PPP2R2B: variants seen among roughly 807,000 people sequenced by gnomAD.
PPP2R2B encodes protein phosphatase 2 regulatory subunit Bbeta, also known as serine/threonine-protein phosphatase 2A 55 kDa regulatory subunit B beta isoform.
Under a neutral mutation model 46.0 loss-of-function variants are expected in PPP2R2B, and 5 were observed. The ratio of observed to expected loss-of-function variants is 0.11; its 90% confidence interval spans 0.06 to 0.23. The LOEUF (loss-of-function observed/expected upper bound fraction) is 0.23. Among genes scored for constraint, PPP2R2B ranks in the 10% least tolerant of loss-of-function variants. The pLI, the probability that PPP2R2B is intolerant of heterozygous loss-of-function variation, is 1.00. For synonymous variants in PPP2R2B, 215 were observed against 206.7 expected (o/e 1.04, Z -0.34); for missense variants, 367 against 575.0 (o/e 0.64, Z 3.70).
At chr5:146,633,788 G>A (rs1774603035) in intron 7 of PPP2R2B, among the ~76,000 whole-genome samples, 1 of 152,146 alleles carries the variant, frequency 6.6e-6, no homozygotes, top group Non-Finnish European at 1.5e-5. Flanking sequence ...CTGGGTGTGT[G>A]GCTTGACCGG....
intron 5 of PPP2R2B, among the ~76,000 whole-genome samples, chr5:146,672,953 G>T (rs541931293): frequency 6.6e-6 from 1 of 152,176 alleles, no homozygotes. Flanking sequence ...ATATAGGGAG[G>T]CATTTTTATT....
chr5:146,669,145 T>G (rs999115237), intron 5 of PPP2R2B, among the ~76,000 whole-genome samples: 14 of 149,960 alleles, frequency 9.3e-5, no homozygotes, highest in Non-Finnish European at 1.3e-4. Context: ...CTTCCACCTA[T>G]TTTACATTCT....
intron 7 of PPP2R2B, among the ~76,000 whole-genome samples, chr5:146,604,011 G>C (rs1186376295): frequency 6.6e-6 from 1 of 152,266 alleles, no homozygotes; most frequent in South Asian, 2.1e-4. Flanking sequence ...ATATTAGCTA[G>C]AGTCCACAAG....
chr5:146,772,040 C>T (rs1220541516), intron 2 of PPP2R2B, among the ~76,000 whole-genome samples: 2 of 152,098 alleles, frequency 1.3e-5, no homozygotes, highest in Non-Finnish European at 2.9e-5. Context: ...ATTGCTTATA[C>T]TAGCAGAAAA....
intron 2 of PPP2R2B, among the ~76,000 whole-genome samples, chr5:146,745,355 G>A (rs1205920458): frequency 6.6e-6 from 1 of 152,134 alleles, no homozygotes; most frequent in Non-Finnish European, 1.5e-5. Context: ...AATATTCCAA[G>A]ATTTTGAGAT....
chr5:147,038,602 AG>A (rs1404776281), intron 1 of PPP2R2B, among the ~76,000 whole-genome samples: 1 of 152,220 alleles, frequency 6.6e-6, no homozygotes, highest in African/African-American at 2.4e-5. Flanking sequence ...AAACTTCTAG[AG>A]GAAACAAGGA....
chr5:147,029,480 T>C (rs1755679050), intron 1 of PPP2R2B, among the ~76,000 whole-genome samples: 1 of 152,194 alleles, frequency 6.6e-6, no homozygotes, highest in Non-Finnish European at 1.5e-5. Flanking sequence ...TTATATTCCA[T>C]TGATTTGTTT....
At chr5:147,006,112 C>A (rs1754426269) in intron 1 of PPP2R2B, among the ~76,000 whole-genome samples, 1 of 152,262 alleles carries the variant, frequency 6.6e-6, no homozygotes, top group Admixed American at 6.5e-5. Context: ...AGGAGGAACT[C>A]CCTTCAGGAT....
chr5:146,998,860 T>G (rs1042953403), intron 1 of PPP2R2B, among the ~76,000 whole-genome samples: 1 of 151,776 alleles, frequency 6.6e-6, no homozygotes, highest in African/African-American at 2.4e-5. Flanking sequence ...ACTGATTCGG[T>G]GTTTAAAAAG....
intron 2 of PPP2R2B, among the ~76,000 whole-genome samples, chr5:146,773,796 G>A (rs161026): frequency 0.86 from 130,427 of 152,220 alleles, 55,966 homozygotes; most frequent in East Asian, 0.89. Flanking sequence ...TATTTTTACC[G>A]TAGAGGCCAA....
chr5:146,996,459 G>C (rs1274130440), intron 1 of PPP2R2B, among the ~76,000 whole-genome samples: 5 of 152,106 alleles, frequency 3.3e-5, no homozygotes, highest in Admixed American at 2.6e-4. Context: ...GTGGATTTAG[G>C]GAAATGGAAC....
Position 146,835,224 on chromosome 5 carries a change from A to G in PPP2R2B, c.70+42778T>C, listed in dbSNP as rs369601139. ...ATTTTGATGACTTAATAATAATTCA[A>G]TTTAATAATAAACAATGTATTATAT... On this transcript the variant is annotated intron_variant, in intron 2 of 9. Transcript: ENST00000394411. 5.9e-5 allele frequency among the ~76,000 whole-genome samples: 9 copies of G among 152,314 alleles called. No homozygotes were observed. In the South Asian group the frequency reaches 1.0e-3, roughly 18 times the overall value.
At chr5:147,057,955 A>C (rs952141724), upstream of PPP2R2B, among the ~76,000 whole-genome samples, 1 of 152,206 alleles carries the variant, frequency 6.6e-6, no homozygotes, top group Non-Finnish European at 1.5e-5. Context: ...AGCACATTGT[A>C]AGTGCTTCCT....
At chr5:146,595,506 T>C (rs945748489) in intron 8 of PPP2R2B, among the ~76,000 whole-genome samples, 1 of 152,242 alleles carries the variant, frequency 6.6e-6, no homozygotes, top group Non-Finnish European at 1.5e-5. Context: ...GAGAACTCTG[T>C]AAATAATTCT....
At chr5:146,885,895 C>A (rs1762304900) in intron 1 of PPP2R2B, among the ~76,000 whole-genome samples, 1 of 151,848 alleles carries the variant, frequency 6.6e-6, no homozygotes, top group African/African-American at 2.4e-5. Flanking sequence ...TTGTATGATT[C>A]CATTTATGTG....
intron 2 of PPP2R2B, among the ~76,000 whole-genome samples, chr5:146,808,959 G>A (rs1395393498): frequency 1.0e-4 from 1 of 9,792 alleles, no homozygotes; most frequent in Admixed American, 9.2e-4. Context: ...GCTAACACTG[G>A]TGTGTGTGTG....
At chr5:146,953,767 C>G (rs951498146) in intron 1 of PPP2R2B, among the ~76,000 whole-genome samples, 2 of 152,082 alleles carry the variant, frequency 1.3e-5, no homozygotes, top group Non-Finnish European at 2.9e-5. Context: ...TCCTATTTAA[C>G]TGTTAAAAAT....
intron 2 of PPP2R2B, among the ~76,000 whole-genome samples, chr5:146,722,237 A>G (rs780439179): frequency 6.6e-6 from 1 of 152,216 alleles, no homozygotes; most frequent in Non-Finnish European, 1.5e-5. Context: ...TTACAACATT[A>G]GATTTTAATG....
intron 2 of PPP2R2B, among the ~76,000 whole-genome samples, chr5:146,745,674 C>T (rs1017314539): frequency 3.9e-5 from 6 of 152,024 alleles, no homozygotes; most frequent in Admixed American, 2.0e-4. Flanking sequence ...GATAAATTGT[C>T]GGCCAGGTGT....
Sources: gnomAD v4.1 joint callset for allele counts (sites outside exome capture counted in the v4.1 genomes callset) on GRCh38, gnomAD v4.1.1 for gene constraint, MANE v1.5 for transcripts, NCBI Gene and HGNC (gene_info 2026-07-23, HGNC 2026-07-21) for gene names.